TCERG1: variants seen among roughly 807,000 people sequenced by gnomAD.
TCERG1 encodes transcription elongation regulator 1, also known as TATA box binding protein (TBP)-associated factor, RNA polymerase II, S, 150kD.
Under a neutral mutation model 144.7 loss-of-function variants are expected in TCERG1, and 37 were observed. That is an observed-to-expected ratio of 0.26 (90% confidence interval 0.20 to 0.34). TCERG1 has a LOEUF of 0.34. Among genes scored for constraint, TCERG1 ranks in the 10% least tolerant of loss-of-function variants. The pLI, the probability that TCERG1 is intolerant of heterozygous loss-of-function variation, is 1.00. For synonymous variants in TCERG1, 492 were observed against 458.2 expected (o/e 1.07, Z -0.94); for missense variants, 1,027 against 1,380.7 (o/e 0.74, Z 4.06).
chr5:146,502,340 A>G (rs748924603), intron 17 of TCERG1, among the ~76,000 whole-genome samples: 4 of 152,166 alleles, frequency 2.6e-5, no homozygotes, highest in Admixed American at 6.5e-5. Context: ...TTCAATTCCT[A>G]CTGGAAGGGA....
intron 5 of TCERG1, among the ~76,000 whole-genome samples, chr5:146,465,885 G>C (rs1042446502): frequency 6.6e-6 from 1 of 151,918 alleles, no homozygotes; most frequent in South Asian, 2.1e-4. Context: ...AAAATTAGCC[G>C]GGCGTGGTGG....
chr5:146,465,252 A>G (rs184245877), intron 5 of TCERG1, among the ~76,000 whole-genome samples: 1 of 152,276 alleles, frequency 6.6e-6, no homozygotes, highest in East Asian at 1.9e-4. Context: ...CAGATCGTGG[A>G]TTCTGAGTGA....
intron 21 of TCERG1, among the ~76,000 whole-genome samples, chr5:146,508,883 T>C (rs530151783): frequency 2.6e-5 from 4 of 152,330 alleles, no homozygotes; most frequent in South Asian, 2.1e-4. Context: ...TGCTCAGCAG[T>C]GTAGCACATA....
At chr5:146,460,332 TTTTTTTC>T (rs1461317033) in intron 4 of TCERG1, among the ~76,000 whole-genome samples, 3 of 151,750 alleles carry the variant, frequency 2.0e-5, no homozygotes, top group Non-Finnish European at 2.9e-5. Flanking sequence ...GGTTTCTTTC[TTTTTTTC>T]TTTTTTCTTT....
intron 5 of TCERG1, among the ~76,000 whole-genome samples, chr5:146,467,363 A>G (rs1763884738): frequency 6.6e-6 from 1 of 152,090 alleles, no homozygotes; most frequent in Non-Finnish European, 1.5e-5. Context: ...TTTCAGCTGA[A>G]AAAAATAAAA....
chr5:146,449,525 T>C (rs899372022), intron 1 of TCERG1, among the ~76,000 whole-genome samples: 1 of 152,244 alleles, frequency 6.6e-6, no homozygotes, highest in Non-Finnish European at 1.5e-5. Context: ...AATCATAGTT[T>C]ATACAATTTG....
intron 16 of TCERG1, among the ~76,000 whole-genome samples, chr5:146,495,118 G>GT (rs1282052748): frequency 6.6e-6 from 1 of 151,978 alleles, no homozygotes; most frequent in Non-Finnish European, 1.5e-5. Flanking sequence ...TTTTTAAAAG[G>GT]TTTTTTCTTT....
At chr5:146,459,982 G>A (rs967208701) in intron 4 of TCERG1, among the ~76,000 whole-genome samples, 1 of 152,150 alleles carries the variant, frequency 6.6e-6, no homozygotes, top group Admixed American at 6.5e-5. Context: ...CAGGCACTGG[G>A]GGCCTGTATA....
At chr5:146,499,632 T>C (rs1767251817) in intron 17 of TCERG1, 2 of 152,216 alleles carry the variant, frequency 1.3e-5, no homozygotes, top group South Asian at 4.1e-4. Flanking sequence ...TGAATTAGAA[T>C]CATGTTAATG....
chr5:146,490,376 A>G (rs1266002724), intron 15 of TCERG1, among the ~76,000 whole-genome samples: 1 of 152,170 alleles, frequency 6.6e-6, no homozygotes, highest in African/African-American at 2.4e-5. Flanking sequence ...CCTACATAGT[A>G]AGTCTTTTCC....
intron 12 of TCERG1, chr5:146,480,434 A>G (rs1208896059): frequency 1.2e-5 from 2 of 171,538 alleles, no homozygotes; most frequent in African/African-American, 4.8e-5. Context: ...ATCTCATAAA[A>G]ACAGACACAG....
At chr5:146,457,016 TGTTTG>T (rs1297185805) in intron 2 of TCERG1, among the ~76,000 whole-genome samples, 162 bp from the exon 3 acceptor site, 4 of 152,246 alleles carry the variant, frequency 2.6e-5, no homozygotes, top group African/African-American at 9.6e-5. Flanking sequence ...CTTTCTAGTT[TGTTTG>T]GTAATTTTTG....
At chr5:146,465,757 C>G (rs574713828) in intron 5 of TCERG1, among the ~76,000 whole-genome samples, 1 of 152,234 alleles carries the variant, frequency 6.6e-6, no homozygotes, top group East Asian at 1.9e-4. Context: ...TTAGGCTGGG[C>G]ACGGTGGCTT....
chr5:146,475,266 A>G (rs1302632708), intron 9 of TCERG1, among the ~76,000 whole-genome samples: 1 of 152,236 alleles, frequency 6.6e-6, no homozygotes, highest in African/African-American at 2.4e-5. Flanking sequence ...ACAGACAGGC[A>G]AGCAGGTCTA....
rs139671401 is a variant in TCERG1 at position 146,506,769 on chromosome 5, G to A, written c.2782-259G>A. Among the ~76,000 whole-genome samples, 4 of 152,206 alleles carry A rather than the reference G, an allele frequency of 2.6e-5. No individual in the cohort carries two copies. In the East Asian group the frequency reaches 5.8e-4, roughly 22 times the overall value. On this transcript the variant is annotated intron_variant, in intron 19 of 22. Transcript: ENST00000679501. ...GAGACTATGCAGTATTTGTGTTTCT[G>A]TGCTTGACTTATTTCACTTATGTTG...
intron 9 of TCERG1, among the ~76,000 whole-genome samples, chr5:146,475,126 A>G (rs920402585): frequency 2.6e-5 from 4 of 152,128 alleles, no homozygotes; most frequent in Admixed American, 2.6e-4. Flanking sequence ...CTTGTAATCT[A>G]TAGGTTCCCT....
At chr5:146,473,482 A>G (rs749965949) in intron 9 of TCERG1, among the ~76,000 whole-genome samples, 9 of 152,206 alleles carry the variant, frequency 5.9e-5, no homozygotes, top group East Asian at 5.8e-4. Flanking sequence ...GATGAGGGCA[A>G]TTACACTAAA....
In TCERG1 at chr5:146,478,237, A is replaced by G. The variant is rs187716397; in HGVS notation, c.1602-256A>G. Among the ~76,000 whole-genome samples, 1,353 of 152,256 alleles carry G rather than the reference A, an allele frequency of 8.9e-3. 12 individuals are homozygous for G. Among genetic ancestry groups the G allele is most frequent in the Non-Finnish European group, 9.7e-3 (662 of 68,016 alleles). Reference sequence around the variant, plus strand: ...ATTGAGTGTGCCAAACCAAATTCCTAAGCATTTTAATCTCTGATCACAAAT... The same window carrying G: ...ATTGAGTGTGCCAAACCAAATTCCTGAGCATTTTAATCTCTGATCACAAAT... On this transcript the variant is annotated intron_variant, in intron 9 of 22. Coordinates refer to ENST00000679501, the MANE Select transcript of TCERG1 (RefSeq NM_001382548.1).
At chr5:146,484,201 T>C (rs988828705) in intron 15 of TCERG1, among the ~76,000 whole-genome samples, 1 of 152,178 alleles carries the variant, frequency 6.6e-6, no homozygotes, top group East Asian at 1.9e-4. Context: ...TGTTAAAATA[T>C]CTGTTTCCAT....
Sources: gnomAD v4.1 joint callset for allele counts (sites outside exome capture counted in the v4.1 genomes callset) on GRCh38, gnomAD v4.1.1 for gene constraint, MANE v1.5 for transcripts, NCBI Gene and HGNC (gene_info 2026-07-23, HGNC 2026-07-21) for gene names.